The following ARPC1A variants were observed in gnomAD, a reference collection of about 807,000 sequenced individuals.
ARPC1A encodes the protein actin related protein 2/3 complex subunit 1A.
In ARPC1A, 8 loss-of-function variants were observed where a neutral mutation model predicts 46.9. The ratio of observed to expected loss-of-function variants is 0.17; its 90% CI spans 0.10 to 0.31. ARPC1A has a LOEUF of 0.31. ARPC1A is among the 10% of genes least tolerant of loss of function. ARPC1A has a pLI of 1.00. For missense variants in ARPC1A, 286 were observed against 483.6 expected (o/e 0.59, Z 3.83); for synonymous variants, 152 against 169.0 (o/e 0.90, Z 0.78).
intron 1 of ARPC1A, among the ~76,000 whole-genome samples, chr7:99,328,685 C>T (rs565699022): frequency 1.3e-5 from 2 of 152,216 alleles, no homozygotes; most frequent in African/African-American, 4.8e-5. Flanking sequence ...CATGGTGGCT[C>T]ATGCTTGCAA....
At position 99,348,974 on chromosome 7, in the gene ARPC1A, G is replaced by A; in HGVS notation, c.500+15G>A. Reference sequence around the variant, plus strand: ...TTCAAATGCAGGTGGGAACCAGTGAGAACTGATAAACTTGAGCCGTGCATT... The same window carrying A: ...TTCAAATGCAGGTGGGAACCAGTGAAAACTGATAAACTTGAGCCGTGCATT... On this transcript the variant is annotated intron_variant, in intron 5 of 9. Coordinates refer to ENST00000262942, the MANE Select transcript of ARPC1A (RefSeq NM_006409.4). 1 of 1,600,332 alleles carries A rather than the reference G, an allele frequency of 6.2e-7. No individual in the cohort carries two copies.
rs977553498 is a variant in ARPC1A at position 99,354,586 on chromosome 7, G to A, written c.713+465G>A. ...AGGCAGGCAGGCCTCAGTGGCTCAC[G>A]CCTATAATCCTAGCACTTTGAGAGG... On this transcript the variant is annotated intron_variant, in intron 6 of 9. Transcript: ENST00000262942. Among the ~76,000 whole-genome samples the A allele has an allele frequency of 9.5e-5, 14 of 147,216 alleles. No individual in the cohort carries two copies. The East Asian group carries it at 2.1e-3, about 22-fold the overall frequency.
chr7:99,356,603 C>T (rs1282769592), intron 6 of ARPC1A, among the ~76,000 whole-genome samples: 1 of 124,146 alleles, frequency 8.1e-6, no homozygotes, highest in Non-Finnish European at 1.6e-5. Flanking sequence ...AAGACTCTGT[C>T]TCAAAAAAAA....
At chr7:99,358,634 G>A (rs1000636969) in intron 7 of ARPC1A, 11 of 479,218 alleles carry the variant, frequency 2.3e-5, no homozygotes, top group Admixed American at 1.5e-4. Flanking sequence ...TCTGCCTCCC[G>A]GGTTCAAGCG....
chr7:99,327,729 A>T (rs574174993), intron 1 of ARPC1A, among the ~76,000 whole-genome samples: 2 of 152,086 alleles, frequency 1.3e-5, no homozygotes, highest in Non-Finnish European at 2.9e-5. Flanking sequence ...TTGGACGCGG[A>T]GTGGTGATAC....
chr7:99,363,444 A>T, intron 8 of ARPC1A, 99 bp from the exon 9 acceptor site: 3 of 844,950 alleles, frequency 3.6e-6, no homozygotes, highest in Non-Finnish European at 5.7e-6. Context: ...AGAAGAAGAT[A>T]ATTCATTTCC....
chr7:99,340,013 A>C (rs775134945), intron 3 of ARPC1A: 12 of 456,054 alleles, frequency 2.6e-5, no homozygotes, highest in Non-Finnish European at 4.4e-6. Context: ...TGCTTCTGTA[A>C]GTTGTATTTT....
intron 1 of ARPC1A, among the ~76,000 whole-genome samples, chr7:99,328,914 G>T (rs1225417339): frequency 1.3e-5 from 2 of 151,874 alleles, no homozygotes; most frequent in Admixed American, 1.3e-4. Flanking sequence ...TCACACCACT[G>T]CAGTCCAGCC....
At position 99,365,934 on chromosome 7, in the gene ARPC1A, G is replaced by T; in HGVS notation, c.*5G>T. On this transcript the variant is annotated 3_prime_UTR_variant, in exon 10 of 10. Coordinates refer to ENST00000262942, the MANE Select transcript of ARPC1A (RefSeq NM_006409.4). ...CAGGGCCTCCGGATAATGTGAAGCT[G>T]AGTGAGCCTCCGCCATCCAGCATGA... 6.4e-7 allele frequency: 1 copy of T among 1,570,878 alleles called. No homozygotes were observed.
chr7:99,350,109 G>GA (rs1261727264), intron 5 of ARPC1A, among the ~76,000 whole-genome samples: 7 of 152,204 alleles, frequency 4.6e-5, no homozygotes, highest in African/African-American at 1.7e-4. Context: ...ATAAGTCACT[G>GA]AGGTAAAAAG....
chr7:99,332,746 C>T (rs546523122), intron 1 of ARPC1A, among the ~76,000 whole-genome samples: 8 of 143,698 alleles, frequency 5.6e-5, no homozygotes, highest in East Asian at 4.0e-4. Context: ...GGACTACAGG[C>T]GCCCGCTACC....
chr7:99,354,034 G>C lies in ARPC1A; in HGVS notation c.626G>C (p.Gly209Ala), dbSNP rs781736363. 1 of 1,614,064 alleles carries C rather than the reference G, an allele frequency of 6.2e-7. No homozygotes were observed. Among genetic ancestry groups the C allele is most frequent in the African/African-American group, 1.3e-5 (1 of 75,038 alleles). ...AGTGGCACTGGTGGCTGGGTCCACG[G>C]GGTAAGCTTCTCTGCCAGTGGGAGC... ...GGSGTGGWVH[G>A]VSFSASGSRL... Residue 209 changes from glycine (G) to alanine (A), a missense_variant, in exon 6 of 10, where the codon GGG becomes GCG. Gly to Ala is a moderately conservative substitution (Grantham distance 60, BLOSUM62 0). Coordinates refer to ENST00000262942, the MANE Select transcript of ARPC1A (RefSeq NM_006409.4).
chr7:99,357,118 T>C (rs1427706772), intron 6 of ARPC1A, among the ~76,000 whole-genome samples: 1 of 152,192 alleles, frequency 6.6e-6, no homozygotes, highest in African/African-American at 2.4e-5. Context: ...ATATGGTTTA[T>C]TGTGACACAG....
intron 3 of ARPC1A, among the ~76,000 whole-genome samples, chr7:99,342,946 TCTC>T (rs1366662334): frequency 2.0e-5 from 3 of 152,030 alleles, no homozygotes. Context: ...ATAGTCTCGA[TCTC>T]CTAACCTCGT....
At position 99,362,663 on chromosome 7, in the gene ARPC1A, T is replaced by C. The variant is rs1488594441; in HGVS notation, c.984-880T>C. Among the ~76,000 whole-genome samples the C allele has an allele frequency of 5.3e-5, 8 of 151,958 alleles. No homozygotes were observed. The East Asian group carries it at 1.6e-3, about 29-fold the overall frequency. The stretch of plus-strand genomic sequence containing the variant: ...GGCCTTTGTTGTTTTTTTTTTTTAT[T>C]TAAGCTCACAGGCTGTACGGGCATA... On this transcript the variant is annotated intron_variant, in intron 8 of 9. Transcript: ENST00000262942.
chr7:99,327,058 C>T (rs1313294320), intron 1 of ARPC1A, among the ~76,000 whole-genome samples: 1 of 152,212 alleles, frequency 6.6e-6, no homozygotes, highest in Admixed American at 6.5e-5. Context: ...TCTGCCCTCT[C>T]TCCTCAATTT....
intron 8 of ARPC1A, 195 bp from the exon 9 acceptor site, chr7:99,363,348 G>A: frequency 3.6e-6 from 2 of 550,970 alleles, no homozygotes; most frequent in South Asian, 4.4e-5. Context: ...GGGAGACTGA[G>A]GCAGGAGGAT....
At chr7:99,358,728 C>T (rs547237218) in intron 7 of ARPC1A, 5 of 263,660 alleles carry the variant, frequency 1.9e-5, no homozygotes, top group African/African-American at 2.3e-5. Context: ...TTAGAAGAGA[C>T]GGGGTTTCTC....
intron 3 of ARPC1A, 123 bp from the exon 4 acceptor site, chr7:99,344,170 T>A: frequency 1.3e-6 from 1 of 799,628 alleles, no homozygotes; most frequent in African/African-American, 1.7e-5. Flanking sequence ...GTGGGAAGGA[T>A]GTGCCTGGGA....
Sources: allele counts gnomAD v4.1 joint callset (sites outside exome capture counted in the v4.1 genomes callset), GRCh38; gene constraint gnomAD v4.1.1; transcripts MANE v1.5; gene names NCBI Gene and HGNC (gene_info 2026-07-23, HGNC 2026-07-21).